USP48: variants seen among roughly 807,000 people sequenced by gnomAD.
The protein encoded by USP48 is ubiquitin carboxyl-terminal hydrolase 48.
Under a neutral mutation model 150.7 loss-of-function variants are expected in USP48, and 43 were observed. The observed-to-expected ratio is 0.29, with a 90% CI of 0.22 to 0.37. USP48 has a LOEUF of 0.37. USP48 is among the 10% of genes least tolerant of loss of function. The pLI, the probability that USP48 is intolerant of heterozygous loss-of-function variation, is 1.00. For missense variants in USP48, 813 were observed against 1,249.6 expected (o/e 0.65, Z 5.27); for synonymous variants, 396 against 425.9 (o/e 0.93, Z 0.86).
chr1:21,758,185 AACACACACACACACAC>A (rs149088635), intron 1 of USP48, among the ~76,000 whole-genome samples: 3 of 141,352 alleles, frequency 2.1e-5, no homozygotes, highest in Non-Finnish European at 3.1e-5. Context: ...GCAACTGTAA[AACACACACACACACAC>A]ACACACACAC....
At chr1:21,736,747 A>G in intron 8 of USP48, 122 bp from the exon 9 acceptor site, 1 of 769,790 alleles carries the variant, frequency 1.3e-6, no homozygotes, top group African/African-American at 1.8e-5. Flanking sequence ...ATGTCACCTA[A>G]AATTTTTACA....
chr1:21,710,535 A>G (rs968405221), intron 15 of USP48, among the ~76,000 whole-genome samples: 7 of 152,170 alleles, frequency 4.6e-5, no homozygotes, highest in African/African-American at 1.7e-4. Context: ...GATATATATA[A>G]TATCTGTATT....
At chr1:21,688,780 T>C (rs1325902998) in intron 24 of USP48, among the ~76,000 whole-genome samples, 2 of 146,592 alleles carry the variant, frequency 1.4e-5, no homozygotes, top group Non-Finnish European at 3.0e-5. Context: ...GAGGTGGAGG[T>C]TGCAGTGAGC....
At chr1:21,707,048 T>A in intron 15 of USP48, 180 bp from the exon 16 acceptor site, 2 of 784,000 alleles carry the variant, frequency 2.6e-6, no homozygotes, top group East Asian at 2.8e-5. Context: ...GATTTCATTT[T>A]AATTCTAAAG....
intron 1 of USP48, among the ~76,000 whole-genome samples, chr1:21,769,862 G>T (rs546514588): frequency 5.3e-5 from 8 of 151,958 alleles, no homozygotes; most frequent in Admixed American, 1.3e-4. Flanking sequence ...CCTGGGTGAT[G>T]AAGTGAAATC....
intron 1 of USP48, among the ~76,000 whole-genome samples, chr1:21,771,275 G>A (rs1186208949): frequency 2.6e-5 from 4 of 151,914 alleles, no homozygotes; most frequent in African/African-American, 9.7e-5. Flanking sequence ...TTGGGAGGCT[G>A]AGGCAGGAGA....
At chr1:21,767,255 G>A (rs532876911) in intron 1 of USP48, among the ~76,000 whole-genome samples, 18 of 152,058 alleles carry the variant, frequency 1.2e-4, no homozygotes, top group South Asian at 2.1e-4. Context: ...GCCTCATTGC[G>A]CAAGCTGGGC....
At position 21,770,193 on chromosome 1, in the gene USP48, T is replaced by C. The variant is rs530487065; in HGVS notation, c.135-12410A>G. 2.5e-4 allele frequency among the ~76,000 whole-genome samples: 37 copies of C among 150,292 alleles called. No homozygotes were observed. In the East Asian group the frequency reaches 3.5e-3, roughly 14 times the overall value. On this transcript the variant is annotated intron_variant, in intron 1 of 26. Transcript: ENST00000308271. ...AAAAAAAAATTGTACAGCACTAGAA[T>C]TGAACACACTACTGCTTACACATAA...
rs576662199 is a variant in USP48, at chr1:21,774,469, G to A, written c.134+8355C>T. Among the ~76,000 whole-genome samples the A allele has an allele frequency of 7.1e-4, 107 of 151,750 alleles. No individual in the cohort carries two copies. In the Middle Eastern group the frequency reaches 0.027, roughly 39 times the overall value. ...TTTGGGAGGCCAAGGTGGGCAGATCGCGAGGTCAGGAGATCGAGACCATCC... is the reference window on the plus strand; with the variant it reads ...TTTGGGAGGCCAAGGTGGGCAGATCACGAGGTCAGGAGATCGAGACCATCC... On this transcript the variant is annotated intron_variant, in intron 1 of 26. Transcript: ENST00000308271.
intron 1 of USP48, among the ~76,000 whole-genome samples, chr1:21,766,471 T>TA (rs1482891227): frequency 1.3e-5 from 2 of 152,158 alleles, no homozygotes; most frequent in African/African-American, 4.8e-5. Flanking sequence ...ATATTGACTA[T>TA]AGGTAGGAGA....
chr1:21,764,801 C>G (rs978996567), intron 1 of USP48, among the ~76,000 whole-genome samples: 2 of 152,162 alleles, frequency 1.3e-5, no homozygotes, highest in Admixed American at 6.6e-5. Flanking sequence ...GTCCTCTCCC[C>G]TCCCAGAGGT....
At chr1:21,753,978 T>C (rs1020017305) in intron 3 of USP48, among the ~76,000 whole-genome samples, 1 of 151,648 alleles carries the variant, frequency 6.6e-6, no homozygotes, top group South Asian at 2.1e-4. Context: ...CTGGCCAACA[T>C]GGCGAAACCC....
intron 15 of USP48, among the ~76,000 whole-genome samples, chr1:21,709,764 G>A (rs1177874243): frequency 2.0e-5 from 3 of 152,052 alleles, no homozygotes; most frequent in South Asian, 2.1e-4. Context: ...TGGCTTTTAA[G>A]TGGGATGAGT....
chr1:21,706,740 G>A lies in USP48; in HGVS notation c.2088+4C>T. On this transcript the variant is annotated splice_donor_region_variant and intron_variant, in intron 16 of 26. Coordinates refer to ENST00000308271, the MANE Select transcript of USP48 (RefSeq NM_032236.8). Reference sequence around the variant, plus strand: ...TTTCCCCAGATGTCAGTAGCGTTCAGTACCTTGCACTGTGAACAGCACTCT... The same window carrying A: ...TTTCCCCAGATGTCAGTAGCGTTCAATACCTTGCACTGTGAACAGCACTCT... The A allele has an allele frequency of 1.9e-6, 3 of 1,611,848 alleles. No individual in the cohort carries two copies. Among genetic ancestry groups the A allele is most frequent in the South Asian group, 2.2e-5 (2 of 90,740 alleles).
At chr1:21,729,905 A>G in intron 9 of USP48, 73 bp from the exon 10 acceptor site, 2 of 1,593,392 alleles carry the variant, frequency 1.3e-6, no homozygotes, top group Non-Finnish European at 1.7e-6. Context: ...GGGGCTATAG[A>G]AAACAATTTC....
intron 15 of USP48, among the ~76,000 whole-genome samples, chr1:21,714,473 G>C (rs187384403): frequency 1.3e-5 from 2 of 152,174 alleles, no homozygotes; most frequent in African/African-American, 2.4e-5. Flanking sequence ...GTGTTGCCCA[G>C]ACTGGTCTCA....
chr1:21,783,024 C>A lies in USP48; in HGVS notation c.-67G>T. ...GCCGCCGCCGCGGTCTGCACCGCCGCCCCAATGGGCTTCGCCACCTGCCAG... is the reference window on the plus strand; with the variant it reads ...GCCGCCGCCGCGGTCTGCACCGCCGACCCAATGGGCTTCGCCACCTGCCAG... On this transcript the variant is annotated 5_prime_UTR_variant, in exon 1 of 27. Transcript: ENST00000308271. 2 of 1,428,570 alleles carry A rather than the reference C, an allele frequency of 1.4e-6. No individual in the cohort carries two copies. Among genetic ancestry groups the A allele is most frequent in the Non-Finnish European group, 1.8e-6 (2 of 1,101,984 alleles). The allele number at this position is 1,428,570 out of a possible 1,614,324, so 88.5% of individuals were successfully genotyped here.
rs780089955 is a variant in USP48, at chr1:21,751,633, G to A, written c.666-18C>T. On this transcript the variant is annotated intron_variant, in intron 5 of 26. Transcript: ENST00000308271. ...GGTTGCAACTATAATAAAACAGAAC[G>A]ACAAAATTCAGATCAGAGTGTGAAA... 12 of 1,588,088 alleles carry A rather than the reference G, an allele frequency of 7.6e-6. No homozygotes were observed. Among genetic ancestry groups the A allele is most frequent in the South Asian group, 3.3e-5 (3 of 90,410 alleles).
intron 1 of USP48, among the ~76,000 whole-genome samples, chr1:21,781,172 A>T (rs992981657): frequency 6.7e-6 from 1 of 148,956 alleles, no homozygotes; most frequent in Admixed American, 6.7e-5. Flanking sequence ...TAATGCCAGC[A>T]CTTTGGGAGG....
Sources: gnomAD v4.1 joint callset for allele counts (sites outside exome capture counted in the v4.1 genomes callset) on GRCh38, gnomAD v4.1.1 for gene constraint, MANE v1.5 for transcripts, NCBI Gene and HGNC (gene_info 2026-07-23, HGNC 2026-07-21) for gene names.